Variants in PLB1 observed in about 807,000 individuals in gnomAD.
PLB1 encodes the protein phospholipase B1, membrane-associated.
PLB1 carries 242 observed loss-of-function variants against 227.4 expected under a neutral mutation model. The ratio of observed to expected loss-of-function variants is 1.06; its 90% confidence interval spans 0.96 to 1.18. The LOEUF (loss-of-function observed/expected upper bound fraction) is 1.18. Ranked by LOEUF, PLB1 falls within the 50% of genes most tolerant of loss-of-function variation. The pLI is 0.00. For synonymous variants in PLB1, 757 were observed against 682.2 expected (o/e 1.11, Z -1.71); for missense variants, 1,858 against 1,816.3 (o/e 1.02, Z -0.42).
At chr2:28,602,693 C>T in intron 38 of PLB1, 128 bp from the exon 39 acceptor site, 1 of 804,404 alleles carries the variant, frequency 1.2e-6, no homozygotes, top group East Asian at 2.5e-5. Flanking sequence ...CCTGTATAGA[C>T]TCCTCCCCAG....
In PLB1 at chr2:28,597,961, A is replaced by G. The variant is rs377314894; in HGVS notation, c.2322-44A>G. The G allele has an allele frequency of 5.0e-5, 78 of 1,574,574 alleles. 1 individual carries two copies. The highest frequency in any genetic ancestry group is 1.2e-4 in the Admixed American group (7 of 59,966). ...TAAAGTTCCTAGATTGATTCAACCAATATGTCTCTCCCTCTCATTCACTGG... is the reference window on the plus strand; with the variant it reads ...TAAAGTTCCTAGATTGATTCAACCAGTATGTCTCTCCCTCTCATTCACTGG... On this transcript the variant is annotated intron_variant, in intron 33 of 57. Coordinates refer to ENST00000327757, the MANE Select transcript of PLB1 (RefSeq NM_153021.5).
intron 12 of PLB1, 52 bp from the exon 13 acceptor site, chr2:28,541,655 G>A (rs2148208752): frequency 7.0e-7 from 1 of 1,429,660 alleles, no homozygotes; most frequent in Admixed American, 1.7e-5. Context: ...TCTGGGGCCG[G>A]CTCTGCCTCG....
In PLB1 at chr2:28,643,202, C is replaced by G. The variant is rs1690161848; in HGVS notation, c.*141C>G. On this transcript the variant is annotated 3_prime_UTR_variant, in exon 58 of 58. Transcript: ENST00000327757. ...AGGGGACAGTCACAACTTCTTGGGGCCTGGGCTTCTTCCAGGCCTATGCTC... is the reference window on the plus strand; with the variant it reads ...AGGGGACAGTCACAACTTCTTGGGGGCTGGGCTTCTTCCAGGCCTATGCTC... 1.4e-6 allele frequency: 1 copy of G among 713,538 alleles called. No individual in the cohort carries two copies. The highest frequency in any genetic ancestry group is 1.8e-5 in the African/African-American group (1 of 55,896). The allele number at this position is 713,538 out of a possible 1,614,324, so 44.2% of individuals were successfully genotyped here. A position where few individuals can be genotyped will look rare whatever the true frequency, so the allele number is the denominator to read the frequency against.
intron 1 of PLB1, among the ~76,000 whole-genome samples, chr2:28,506,091 G>T (rs1354215393): frequency 6.6e-6 from 1 of 152,152 alleles, no homozygotes; most frequent in African/African-American, 2.4e-5. Flanking sequence ...TTGCATTTTT[G>T]TTACTGTCAG....
rs114465654 is a variant in PLB1, at chr2:28,612,465, C to T, written c.3130-1566C>T. The stretch of plus-strand genomic sequence containing the variant: ...TAACCTGGAACCCGTCCCTTCCTCA[C>T]TCTGGGGCTCAGCAGCTGCTCATCT... On this transcript the variant is annotated intron_variant, in intron 43 of 57. Transcript: ENST00000327757. Among the ~76,000 whole-genome samples, 1,188 of 152,294 alleles carry T rather than the reference C, an allele frequency of 7.8e-3. 16 individuals are homozygous for T. The highest frequency in any genetic ancestry group is 0.027 in the African/African-American group (1,128 of 41,548).
rs1688703557 is a variant in PLB1 at position 28,632,068 on chromosome 2, A to G, written c.3930A>G (p.Gln1310=). Residue 1310 remains glutamine (Q), a synonymous_variant, in exon 55 of 58, where the codon CAA becomes CAG. Transcript: ENST00000327757. ...HGISSFSYWH[Q]YTQREDFAVV... ...TCTCCAGTTTCTCCTACTGGCACCA[A>G]TACACACAGCGTGAGGACTTTGCGG... The G allele has an allele frequency of 4.3e-6, 7 of 1,613,990 alleles. No homozygotes were observed. Among genetic ancestry groups the G allele is most frequent in the African/African-American group, 1.3e-5 (1 of 74,912 alleles).
At chr2:28,502,113 T>A (rs1283320150) in intron 1 of PLB1, among the ~76,000 whole-genome samples, 4 of 152,204 alleles carry the variant, frequency 2.6e-5, no homozygotes, top group Non-Finnish European at 5.9e-5. Context: ...TGAAATTGCT[T>A]ATTTTTTCAT....
At chr2:28,618,584 T>C in intron 46 of PLB1, 185 bp downstream of exon 46, 1 of 614,972 alleles carries the variant, frequency 1.6e-6, no homozygotes, top group Non-Finnish European at 2.9e-6. Context: ...ACCTTCCCAG[T>C]TCTGCTCAAA....
Position 28,529,758 on chromosome 2 carries a change from G to GA in PLB1, c.448dup (p.Arg150LysfsTer10), listed in dbSNP as rs1558679573. ...TGTGGATTCAGGCTCAAGAACTGGT[G>GA]AGAAACATGAAAGAGAACCTGGTAA... is the stretch of plus-strand genomic sequence containing the variant. On this transcript the variant is annotated frameshift_variant, in exon 8 of 58. Coordinates refer to ENST00000327757, the MANE Select transcript of PLB1 (RefSeq NM_153021.5). LOFTEE classifies it high-confidence loss of function. 3 of 1,614,160 alleles carry GA rather than the reference G, an allele frequency of 1.9e-6. No individual in the cohort carries two copies. The African/African-American group carries it at 4.0e-5, about 22-fold the overall frequency.
chr2:28,593,923 A>G (rs1002693552), intron 33 of PLB1, 169 bp downstream of exon 33: 2 of 730,696 alleles, frequency 2.7e-6, no homozygotes, highest in Non-Finnish European at 5.1e-6. Flanking sequence ...TGGTGAGTGG[A>G]GAGGATATTT....
intron 14 of PLB1, 78 bp downstream of exon 14, chr2:28,543,346 G>C (rs1475471587): frequency 1.3e-6 from 2 of 1,498,826 alleles, no homozygotes; most frequent in Non-Finnish European, 1.8e-6. Flanking sequence ...CCGTGCTGAG[G>C]AGGGGCTGCA....
At chr2:28,535,692 A>G (rs1671588307) in intron 9 of PLB1, among the ~76,000 whole-genome samples, 1 of 152,172 alleles carries the variant, frequency 6.6e-6, no homozygotes, top group African/African-American at 2.4e-5. Flanking sequence ...AGGCCAAGGC[A>G]GGTGGATCAC....
chr2:28,548,326 C>T (rs1673619213), intron 14 of PLB1, among the ~76,000 whole-genome samples: 1 of 152,144 alleles, frequency 6.6e-6, no homozygotes, highest in Non-Finnish European at 1.5e-5. Context: ...TTTGCCCTTC[C>T]TTCCCATACT....
intron 1 of PLB1, among the ~76,000 whole-genome samples, chr2:28,499,753 C>T (rs944609240): frequency 2.0e-5 from 3 of 152,020 alleles, no homozygotes; most frequent in Non-Finnish European, 2.9e-5. Flanking sequence ...GACGTGATGG[C>T]GGTTGCCTGT....
intron 17 of PLB1, among the ~76,000 whole-genome samples, chr2:28,555,849 T>C (rs1179974259): frequency 6.6e-6 from 1 of 150,960 alleles, no homozygotes; most frequent in Non-Finnish European, 1.5e-5. Context: ...CATTTTGCCT[T>C]CAAAGTTACT....
At chr2:28,607,563 G>A (rs1257750908) in intron 43 of PLB1, among the ~76,000 whole-genome samples, 1 of 152,160 alleles carries the variant, frequency 6.6e-6, no homozygotes, top group African/African-American at 2.4e-5. Context: ...GCTGGGTCTT[G>A]TGCTTGGAGC....
chr2:28,566,686 AG>A (rs1489413763), intron 19 of PLB1, 109 bp from the exon 20 acceptor site: 1 of 1,227,976 alleles, frequency 8.1e-7, no homozygotes, highest in African/African-American at 1.5e-5. Flanking sequence ...TGCAAGCTCC[AG>A]GCCCCCGGGC....
At chr2:28,576,729 C>G (rs1008036026) in intron 21 of PLB1, among the ~76,000 whole-genome samples, 17 of 151,436 alleles carry the variant, frequency 1.1e-4, no homozygotes, top group African/African-American at 4.1e-4. Flanking sequence ...GACTCAGTCT[C>G]AAAAAAAAGA....
At chr2:28,588,302 A>C (rs764993196) in intron 26 of PLB1, among the ~76,000 whole-genome samples, 6 of 152,160 alleles carry the variant, frequency 3.9e-5, no homozygotes, top group Non-Finnish European at 7.3e-5. Flanking sequence ...GACTCAGCCA[A>C]CATCCTCCAT....
Sources: gnomAD v4.1 joint callset for allele counts (sites outside exome capture counted in the v4.1 genomes callset) on GRCh38, gnomAD v4.1.1 for gene constraint, MANE v1.5 for transcripts, NCBI Gene and HGNC (gene_info 2026-07-23, HGNC 2026-07-21) for gene names.